The following DCT variants were observed in gnomAD, a reference collection of about 807,000 sequenced individuals.
The protein encoded by DCT is L-dopachrome tautomerase.
A neutral mutation model predicts 53.0 loss-of-function variants in DCT; 47 were observed. The observed-to-expected ratio is 0.89, with a 90% CI of 0.70 to 1.13. DCT has a LOEUF of 1.13. Among genes scored for constraint, DCT ranks in the 50% most tolerant of loss-of-function variants. The pLI, the probability that DCT is intolerant of heterozygous loss-of-function variation, is 0.00. For missense variants in DCT, 669 were observed against 637.4 expected, an observed-to-expected ratio of 1.05 and a Z score of -0.53; for synonymous variants, 244 against 237.0, an observed-to-expected ratio of 1.03 and a Z score of -0.27.
the DCT span, among the ~76,000 whole-genome samples, chr13:94,532,667 A>T: frequency 6.6e-6 from 1 of 152,212 alleles, no homozygotes; most frequent in Non-Finnish European, 1.5e-5. Flanking sequence ...GGATAGCATT[A>T]GGAGAAACAC....
At chr13:94,528,611 G>A in the DCT span, among the ~76,000 whole-genome samples, 1 of 152,126 alleles carries the variant, frequency 6.6e-6, no homozygotes, top group Non-Finnish European at 1.5e-5. Context: ...GTCACCACCA[G>A]GCCTGCCTTA....
the DCT span, among the ~76,000 whole-genome samples, chr13:94,533,501 A>G: frequency 6.6e-6 from 1 of 152,186 alleles, no homozygotes; most frequent in African/African-American, 2.4e-5. Flanking sequence ...AAATGGGAGA[A>G]AGTCCAGGCA....
At chr13:94,546,258 T>G in the DCT span, among the ~76,000 whole-genome samples, 1 of 152,088 alleles carries the variant, frequency 6.6e-6, no homozygotes, top group Non-Finnish European at 1.5e-5. The surrounding 1 kb of genome is among the most constrained non-coding windows in gnomAD (Gnocchi z 4.2). Flanking sequence ...CATTGCCAGC[T>G]AGCAGACACA....
the DCT span, among the ~76,000 whole-genome samples, chr13:94,496,472 G>C: frequency 6.6e-6 from 1 of 152,040 alleles, no homozygotes; most frequent in Non-Finnish European, 1.5e-5. Context: ...AGGATTACAG[G>C]CATGAGCCAC....
chr13:94,489,888 A>G, the DCT span, among the ~76,000 whole-genome samples: 1 of 152,210 alleles, frequency 6.6e-6, no homozygotes. Flanking sequence ...CTTGTCCATA[A>G]TGCAATATTA....
the DCT span, among the ~76,000 whole-genome samples, chr13:94,537,147 G>A: frequency 0.34 from 51,203 of 152,020 alleles, 9,045 homozygotes; most frequent in East Asian, 0.61. Flanking sequence ...GGTAATTGGC[G>A]GATCAAGTAA....
At chr13:94,483,498 G>A (rs1007858246), upstream of DCT, among the ~76,000 whole-genome samples, 1 of 145,272 alleles carries the variant, frequency 6.9e-6, no homozygotes, top group Non-Finnish European at 1.5e-5. Context: ...TCTTTCATAT[G>A]ACTTAGTTTG....
chr13:94,516,205 G>A, the DCT span, among the ~76,000 whole-genome samples: 2 of 152,042 alleles, frequency 1.3e-5, no homozygotes, highest in African/African-American at 4.8e-5. Context: ...GGCAGATATT[G>A]TAAGCCTGAA....
At position 94,468,912 on chromosome 13, in the gene DCT, G is replaced by T. The variant is rs755335828; in HGVS notation, c.429C>A (p.Gly143=). The change falls in exon 2 of 8, where the codon GGC becomes GGA. Residue 143 remains glycine (G), a synonymous_variant. Coordinates refer to ENST00000377028, the MANE Select transcript of DCT (RefSeq NM_001922.5). ...LSPQEREQFL[G]ALDLAKKRVH... ...CTCTCTTCTTCGCGAGATCTAAGGC[G>T]CCCAAGAACTGCTCTCTTTCCTGAG... is the stretch of plus-strand genomic sequence containing the variant. The T allele has an allele frequency of 1.9e-6, 3 of 1,614,006 alleles. No individual in the cohort carries two copies. In the African/African-American group the frequency reaches 4.0e-5, roughly 22 times the overall value.
the DCT span, among the ~76,000 whole-genome samples, chr13:94,499,555 A>G: frequency 6.6e-6 from 1 of 152,332 alleles, no homozygotes; most frequent in East Asian, 1.9e-4. Flanking sequence ...CAGGATGTTC[A>G]AAAGCAAACC....
the DCT span, among the ~76,000 whole-genome samples, chr13:94,496,998 G>T: frequency 6.6e-6 from 1 of 152,230 alleles, no homozygotes; most frequent in Non-Finnish European, 1.5e-5. Context: ...ATGTTCTTCA[G>T]TCGAGCCTCT....
chr13:94,453,094 C>T (rs967757802), intron 6 of DCT, among the ~76,000 whole-genome samples: 4 of 151,992 alleles, frequency 2.6e-5, no homozygotes, highest in African/African-American at 9.7e-5. Flanking sequence ...GGATATTATA[C>T]ATAATAGGTG....
the DCT span, among the ~76,000 whole-genome samples, chr13:94,490,608 A>G: frequency 6.0e-5 from 9 of 150,936 alleles, no homozygotes; most frequent in South Asian, 2.1e-4. Context: ...ACCTGCACTC[A>G]TTCAGTTACT....
At chr13:94,514,526 A>G in the DCT span, among the ~76,000 whole-genome samples, 1 of 152,222 alleles carries the variant, frequency 6.6e-6, no homozygotes, top group African/African-American at 2.4e-5. Context: ...CTGCTGCAGC[A>G]CAGGGTAAGA....
chr13:94,448,977 C>T (rs552589789), intron 6 of DCT, among the ~76,000 whole-genome samples: 2 of 151,910 alleles, frequency 1.3e-5, no homozygotes, highest in East Asian at 1.9e-4. Context: ...GGCTACATAG[C>T]TACGTTTTGG....
the DCT span, among the ~76,000 whole-genome samples, chr13:94,521,531 G>A: frequency 8.5e-5 from 13 of 152,128 alleles, no homozygotes; most frequent in Non-Finnish European, 1.3e-4. Flanking sequence ...TTAGCCAGGC[G>A]TGGTGGCCTG....
intron 1 of DCT, among the ~76,000 whole-genome samples, chr13:94,475,976 C>T (rs760651576): frequency 6.6e-5 from 10 of 152,060 alleles, no homozygotes; most frequent in South Asian, 2.1e-4. Context: ...GAGCAGATCA[C>T]GGGGGGAGGT....
rs775358814 is a variant in DCT, at chr13:94,469,002, C to G, written c.339G>C (p.Trp113Cys). ...TCTTCCGCTCGCAGTTGGGACCGGT[C>G]CAGCCAAACTTGCAGTCTCCACAAT... ...GYNCGDCKFG[W>C]TGPNCERKKP... Residue 113 changes from tryptophan (W) to cysteine (C), a missense_variant, in exon 2 of 8, where the codon TGG becomes TGC. Transcript: ENST00000377028. The G allele has an allele frequency of 6.2e-7, 1 of 1,614,106 alleles. No homozygotes were observed. Among genetic ancestry groups the G allele is most frequent in the South Asian group, 1.1e-5 (1 of 91,074 alleles).
intron 6 of DCT, among the ~76,000 whole-genome samples, chr13:94,452,099 C>G (rs1049081791): frequency 6.6e-6 from 1 of 152,016 alleles, no homozygotes; most frequent in Non-Finnish European, 1.5e-5. Flanking sequence ...ATGGCACGAT[C>G]TTGGCTCACT....
Sources: allele counts gnomAD v4.1 joint callset (sites outside exome capture counted in the v4.1 genomes callset), GRCh38; gene constraint gnomAD v4.1.1; non-coding constraint Gnocchi (gnomAD v3.1); transcripts MANE v1.5; gene names NCBI Gene and HGNC (gene_info 2026-07-23, HGNC 2026-07-21).